The following UGGT2 variants were observed in gnomAD, a reference collection of about 807,000 sequenced individuals.
UGGT2 encodes UDP-glucose glycoprotein glucosyltransferase 2.
A neutral mutation model predicts 192.1 loss-of-function variants in UGGT2; 180 were observed. The ratio of observed to expected loss-of-function variants is 0.94; its 90% CI spans 0.83 to 1.06. The LOEUF (loss-of-function observed/expected upper bound fraction) is 1.06. Ranked by LOEUF, UGGT2 falls within the 50% of genes least tolerant of loss-of-function variation. UGGT2 has a pLI of 0.00. For synonymous variants in UGGT2, 580 were observed against 591.0 expected, an observed-to-expected ratio of 0.98 and a Z score of 0.27; for missense variants, 1,849 against 1,795.7, an observed-to-expected ratio of 1.03 and a Z score of -0.54.
At chr13:95,999,961 C>T (rs977496169) in intron 5 of UGGT2, among the ~76,000 whole-genome samples, 5 of 152,088 alleles carry the variant, frequency 3.3e-5, no homozygotes, top group African/African-American at 1.2e-4. Flanking sequence ...CTACAAAGGG[C>T]AAATATTAAA....
At chr13:95,878,798 C>T (rs2047413121) in intron 27 of UGGT2, among the ~76,000 whole-genome samples, 1 of 152,156 alleles carries the variant, frequency 6.6e-6, no homozygotes, top group Non-Finnish European at 1.5e-5. Flanking sequence ...TCCTTGACTG[C>T]AATTATCTCA....
At chr13:96,009,666 G>T (rs905604797) in intron 5 of UGGT2, among the ~76,000 whole-genome samples, 1 of 152,116 alleles carries the variant, frequency 6.6e-6, no homozygotes, top group Non-Finnish European at 1.5e-5. Context: ...AAATTAGCCG[G>T]GCATGTTGGT....
chr13:95,980,659 A>G (rs2051090502), intron 10 of UGGT2, among the ~76,000 whole-genome samples: 1 of 152,188 alleles, frequency 6.6e-6, no homozygotes, highest in African/African-American at 2.4e-5. Context: ...GTTTTTAACT[A>G]AAGCCTTTGC....
chr13:96,050,778 T>C (rs1271684721), intron 1 of UGGT2, among the ~76,000 whole-genome samples: 2 of 152,064 alleles, frequency 1.3e-5, no homozygotes, highest in African/African-American at 4.8e-5. Context: ...AAAACCACAA[T>C]GAGATACCAT....
In UGGT2 at chr13:95,913,036, T is replaced by C. The variant is rs897298619; in HGVS notation, c.2296-9976A>G. Among the ~76,000 whole-genome samples the C allele has an allele frequency of 2.6e-5, 4 of 152,334 alleles. No homozygotes were observed. In the East Asian group the frequency reaches 5.8e-4, roughly 22 times the overall value. ...GTGCTGGGAAAACTGGCTAGCCATA[T>C]GTAGAAAGCTGAAATTGGATCCTTT... On this transcript the variant is annotated intron_variant, in intron 20 of 38. Coordinates refer to ENST00000376747, the MANE Select transcript of UGGT2 (RefSeq NM_020121.4).
chr13:95,824,740 G>A (rs1462590187), intron 38 of UGGT2, among the ~76,000 whole-genome samples: 1 of 151,994 alleles, frequency 6.6e-6, no homozygotes, highest in Non-Finnish European at 1.5e-5. Context: ...TCCTTGAGTA[G>A]TGTAATAATC....
chr13:95,931,553 G>T (rs983091800), intron 17 of UGGT2, among the ~76,000 whole-genome samples: 1 of 151,826 alleles, frequency 6.6e-6, no homozygotes, highest in Non-Finnish European at 1.5e-5. Flanking sequence ...GGTGGGGTGG[G>T]GTGGGGGTGG....
At chr13:96,034,554 G>T (rs1287846061) in intron 1 of UGGT2, among the ~76,000 whole-genome samples, 1 of 152,220 alleles carries the variant, frequency 6.6e-6, no homozygotes, top group Non-Finnish European at 1.5e-5. Flanking sequence ...TGCAGGCAAT[G>T]AAAAGGAGAG....
intron 38 of UGGT2, among the ~76,000 whole-genome samples, chr13:95,809,067 T>C (rs778150122): frequency 6.6e-6 from 1 of 152,188 alleles, no homozygotes; most frequent in African/African-American, 2.4e-5. Context: ...AAGCCTCCTA[T>C]AATTCAATAT....
intron 20 of UGGT2, among the ~76,000 whole-genome samples, chr13:95,922,453 C>T (rs879348517): frequency 3.9e-5 from 6 of 152,070 alleles, no homozygotes; most frequent in Non-Finnish European, 8.8e-5. Flanking sequence ...CCCCTGGAAT[C>T]AAAGCTAAAA....
chr13:95,997,932 G>A (rs2051677335), intron 6 of UGGT2, among the ~76,000 whole-genome samples: 1 of 152,174 alleles, frequency 6.6e-6, no homozygotes, highest in Non-Finnish European at 1.5e-5. Flanking sequence ...GAATTTTTGA[G>A]AGAGGTTATA....
intron 22 of UGGT2, among the ~76,000 whole-genome samples, chr13:95,899,546 T>C (rs935594416): frequency 2.0e-5 from 3 of 152,116 alleles, no homozygotes; most frequent in Admixed American, 2.0e-4. Flanking sequence ...TTGTTATCAT[T>C]AATGTCAATA....
intron 30 of UGGT2, among the ~76,000 whole-genome samples, chr13:95,867,054 C>G (rs893257580): frequency 6.6e-6 from 1 of 152,026 alleles, no homozygotes; most frequent in African/African-American, 2.4e-5. Flanking sequence ...TGTTCTTGAT[C>G]TCATCTCTAG....
Position 96,051,346 on chromosome 13 carries a change from C to T in UGGT2, c.158+1809G>A, listed in dbSNP as rs535963008. 2.6e-5 allele frequency among the ~76,000 whole-genome samples: 4 copies of T among 151,802 alleles called. No homozygotes were observed. The East Asian group carries it at 5.8e-4, about 22-fold the overall frequency. On this transcript the variant is annotated intron_variant, in intron 1 of 38. Transcript: ENST00000376747. ...AGGGCCTGTTGTGGGGTTGGGGGAG[C>T]GGGGGATAGCATTAGGAGATACACC...
At chr13:95,954,275 C>A (rs575646162) in intron 12 of UGGT2, among the ~76,000 whole-genome samples, 253 of 152,276 alleles carry the variant, frequency 1.7e-3, no homozygotes, top group African/African-American at 5.8e-3. Context: ...AAATAAAATT[C>A]TATGCCCCAC....
Position 95,837,156 on chromosome 13 carries a change from G to C in UGGT2, c.4331C>G (p.Pro1444Arg). The change falls in exon 37 of 39, where the codon CCT becomes CGT. Residue 1444 changes from proline to arginine, a missense_variant. By Grantham distance (103) the Pro-to-Arg change is moderately radical (BLOSUM62 -2). Coordinates refer to ENST00000376747, the MANE Select transcript of UGGT2 (RefSeq NM_020121.4). ...GGTTTCACACCACAGCCAGTCTTGA[G>C]GAAGAGACTTAATGGCGACTTGGTA... is the stretch of plus-strand genomic sequence containing the variant. ...MIYQVAIKSL[P>R]QDWLWCETWC... 1 of 1,614,042 alleles carries C rather than the reference G, an allele frequency of 6.2e-7. No homozygotes were observed. Among genetic ancestry groups the C allele is most frequent in the Non-Finnish European group, 8.5e-7 (1 of 1,179,986 alleles).
intron 5 of UGGT2, 53 bp from the exon 6 acceptor site, chr13:95,999,360 T>C (rs2140925946): frequency 6.6e-7 from 1 of 1,526,344 alleles, no homozygotes; most frequent in African/African-American, 1.4e-5. Flanking sequence ...TCAAACATTT[T>C]GTTTTAAAGT....
At chr13:95,908,018 G>C (rs1036259670) in intron 20 of UGGT2, among the ~76,000 whole-genome samples, 2 of 152,094 alleles carry the variant, frequency 1.3e-5, no homozygotes, top group Non-Finnish European at 2.9e-5. Context: ...TAAGACAAAT[G>C]GCTAACCATA....
At chr13:95,998,990 T>C (rs1269776301) in intron 6 of UGGT2, among the ~76,000 whole-genome samples, 1 of 152,138 alleles carries the variant, frequency 6.6e-6, no homozygotes, top group African/African-American at 2.4e-5. Flanking sequence ...CAAAATAACA[T>C]ACGATTTCAT....
Sources: gnomAD v4.1 joint callset for allele counts (sites outside exome capture counted in the v4.1 genomes callset) on GRCh38, gnomAD v4.1.1 for gene constraint, MANE v1.5 for transcripts, NCBI Gene and HGNC (gene_info 2026-07-23, HGNC 2026-07-21) for gene names.